Variants in UBA6 observed in about 807,000 individuals in gnomAD.
UBA6 encodes the protein ubiquitin-like modifier-activating enzyme 6.
In UBA6, 87 loss-of-function variants were observed where a neutral mutation model predicts 148.3. The ratio of observed to expected loss-of-function variants is 0.59; its 90% CI spans 0.49 to 0.70. UBA6 has a LOEUF of 0.70. Among genes scored for constraint, UBA6 ranks in the 30% least tolerant of loss-of-function variants. The pLI is 0.00. For synonymous variants in UBA6, 376 were observed against 401.0 expected (o/e 0.94, Z 0.75); for missense variants, 1,186 against 1,241.2 (o/e 0.96, Z 0.67).
intron 1 of UBA6, among the ~76,000 whole-genome samples, chr4:67,698,947 C>G (rs911722996): frequency 2.0e-5 from 3 of 151,752 alleles, no homozygotes; most frequent in Admixed American, 2.0e-4. Context: ...GTGACAAGAG[C>G]AAGACTCTGT....
chr4:67,616,044 ATGTG>A lies in UBA6; in HGVS notation c.*2949_*2952del. On this transcript the variant is annotated 3_prime_UTR_variant, in exon 33 of 33. Coordinates refer to ENST00000322244, the MANE Select transcript of UBA6 (RefSeq NM_018227.6). ...ATATTTTATGTATTTTTGAATATAT[ATGTG>A]TTTTTGAAAAATATATATTTCTCAA... 1 of 389,766 alleles carries A rather than the reference ATGTG, an allele frequency of 2.6e-6. No homozygotes were observed. Among genetic ancestry groups the A allele is most frequent in the Non-Finnish European group, 4.5e-6 (1 of 220,172 alleles). The allele number at this position is 389,766 out of a possible 1,614,324, so 24.1% of individuals were successfully genotyped here.
chr4:67,651,939 C>T (rs1203843351), intron 13 of UBA6, among the ~76,000 whole-genome samples: 3 of 152,040 alleles, frequency 2.0e-5, no homozygotes, highest in Non-Finnish European at 4.4e-5. Context: ...ACTCATAAAA[C>T]TACAAAAGAG....
intron 6 of UBA6, among the ~76,000 whole-genome samples, chr4:67,675,934 T>C (rs1429338464): frequency 6.6e-6 from 1 of 152,188 alleles, no homozygotes; most frequent in Non-Finnish European, 1.5e-5. Context: ...TGTAACTTAG[T>C]TGAGGGTATA....
At position 67,630,399 on chromosome 4, in the gene UBA6, T is replaced by G. The variant is rs183527447; in HGVS notation, c.2328+67A>C. The G allele has an allele frequency of 6.4e-6, 6 of 944,440 alleles. No individual in the cohort carries two copies. In the East Asian group the frequency reaches 1.6e-4, roughly 25 times the overall value. The allele number at this position is 944,440 out of a possible 1,614,324, so 58.5% of individuals were successfully genotyped here. On this transcript the variant is annotated intron_variant, in intron 26 of 32. Transcript: ENST00000322244. ...ACAAACAAACATGTTTTGATGCAAT[T>G]AGTGCATCAGTCATCTAATTCTAAT...
chr4:67,647,414 G>A (rs1193048722), intron 14 of UBA6, among the ~76,000 whole-genome samples: 2 of 151,952 alleles, frequency 1.3e-5, no homozygotes, highest in African/African-American at 4.8e-5. Context: ...CCAAAGTGCT[G>A]GTATTACAGG....
At chr4:67,701,011 C>G in intron 1 of UBA6, 38 bp downstream of exon 1, 3 of 1,606,312 alleles carry the variant, frequency 1.9e-6, no homozygotes, top group Non-Finnish European at 2.6e-6. Context: ...CTGGGTCCCA[C>G]CCGCGACCCC....
chr4:67,624,575 A>G (rs1728822712), intron 29 of UBA6, among the ~76,000 whole-genome samples: 1 of 152,090 alleles, frequency 6.6e-6, no homozygotes, highest in Admixed American at 6.5e-5. Context: ...AGGGGTAAAT[A>G]ACTACATAGC....
chr4:67,692,521 C>T (rs560192353), intron 2 of UBA6, among the ~76,000 whole-genome samples: 96 of 152,214 alleles, frequency 6.3e-4, no homozygotes, highest in African/African-American at 2.2e-3. Context: ...GCCAGTCCTC[C>T]GGCTACATAA....
At chr4:67,652,855 G>A (rs141642060) in intron 13 of UBA6, among the ~76,000 whole-genome samples, 150 of 152,306 alleles carry the variant, frequency 9.8e-4, no homozygotes, top group African/African-American at 3.5e-3. Flanking sequence ...CTTAGCAACC[G>A]GCAGACCAGG....
rs1375570481 is a variant in UBA6, at chr4:67,622,904, T to C, written c.2950A>G (p.Thr984Ala). ...ATTTTGACTCCCTGTACCACCATTG[T>C]TGGCTCAATTCCATACTTCTCCTAA... Reference protein sequence around the residue: ...AVKEKYGIEPTMVVQGVKMLY... With the variant: ...AVKEKYGIEPAMVVQGVKMLY... Residue 984 changes from threonine to alanine, a missense_variant, in exon 32 of 33, where the codon ACA (threonine) becomes GCA (alanine). Transcript: ENST00000322244. The C allele has an allele frequency of 2.5e-6, 4 of 1,612,256 alleles. No homozygotes were observed. The highest frequency in any genetic ancestry group is 1.1e-5 in the South Asian group (1 of 90,474).
Position 67,614,978 on chromosome 4 carries a change from T to C in UBA6, c.*4019A>G, listed in dbSNP as rs534660308. 1 of 152,252 alleles carries C rather than the reference T, an allele frequency of 6.6e-6. No homozygotes were observed. Among genetic ancestry groups the C allele is most frequent in the Non-Finnish European group, 1.5e-5 (1 of 68,012 alleles). 9.4% of individuals were successfully genotyped at this position (152,252 alleles called of 1,614,324 possible). On this transcript the variant is annotated 3_prime_UTR_variant, in exon 33 of 33. Coordinates refer to ENST00000322244, the MANE Select transcript of UBA6 (RefSeq NM_018227.6). Reference sequence around the variant, plus strand: ...CTCAACTTCACAGGTAATAGAGAAATGCAGAGTGACACTTCAATGAGATAC... The same window carrying C: ...CTCAACTTCACAGGTAATAGAGAAACGCAGAGTGACACTTCAATGAGATAC...
intron 17 of UBA6, among the ~76,000 whole-genome samples, chr4:67,643,095 T>C (rs1729344332): frequency 6.6e-6 from 1 of 151,970 alleles, no homozygotes; most frequent in African/African-American, 2.4e-5. Flanking sequence ...ACTTTAAAGT[T>C]TGTTCTATTT....
Position 67,631,926 on chromosome 4 carries a change from A to C in UBA6, c.2143-18T>G. 1 of 1,606,222 alleles carries C rather than the reference A, an allele frequency of 6.2e-7. No homozygotes were observed. On this transcript the variant is annotated intron_variant, in intron 23 of 32. Transcript: ENST00000322244. ...TGAAGAGCCTAAAGAAAAAAAATGA[A>C]TTAAAGACACCCACTACTTAATATT... is the stretch of plus-strand genomic sequence containing the variant.
rs897088673 is a variant in UBA6 at position 67,616,059 on chromosome 4, A to G, written c.*2938T>C. On this transcript the variant is annotated 3_prime_UTR_variant, in exon 33 of 33. Coordinates refer to ENST00000322244, the MANE Select transcript of UBA6 (RefSeq NM_018227.6). Reference sequence around the variant, plus strand: ...TTGAATATATATGTGTTTTTGAAAAATATATATTTCTCAATAAAAAAACAA... The same window carrying G: ...TTGAATATATATGTGTTTTTGAAAAGTATATATTTCTCAATAAAAAAACAA... 2 of 392,300 alleles carry G rather than the reference A, an allele frequency of 5.1e-6. No homozygotes were observed. Among genetic ancestry groups the G allele is most frequent in the African/African-American group, 4.1e-5 (2 of 48,404 alleles). The allele number at this position is 392,300 out of a possible 1,614,324, so 24.3% of individuals were successfully genotyped here. A position where few individuals can be genotyped will look rare whatever the true frequency, so the allele number is the denominator to read the frequency against.
chr4:67,628,024 C>T (rs1341344879), intron 27 of UBA6, among the ~76,000 whole-genome samples: 1 of 150,600 alleles, frequency 6.6e-6, no homozygotes, highest in African/African-American at 2.4e-5. Context: ...AGTATAATAC[C>T]ACCCAAGCAG....
intron 1 of UBA6, among the ~76,000 whole-genome samples, chr4:67,700,422 C>G (rs1263422119): frequency 6.6e-6 from 1 of 152,134 alleles, no homozygotes; most frequent in African/African-American, 2.4e-5. Context: ...TGGTAAAGGC[C>G]TAGCACAAAT....
At position 67,673,782 on chromosome 4, in the gene UBA6, T is replaced by C. The variant is rs1222058092; in HGVS notation, c.466-5A>G. On this transcript the variant is annotated splice_polypyrimidine_tract_variant and splice_region_variant and intron_variant, in intron 6 of 32. Transcript: ENST00000322244. ...CATCTCAGTCAATACTACACACTGT[T>C]GAGAAAACAACAAATTAAAAACTAG... 4 of 1,590,688 alleles carry C rather than the reference T, an allele frequency of 2.5e-6. No homozygotes were observed. Among genetic ancestry groups the C allele is most frequent in the Non-Finnish European group, 2.6e-6 (3 of 1,165,638 alleles).
intron 13 of UBA6, among the ~76,000 whole-genome samples, chr4:67,651,365 G>A (rs1048273703): frequency 1.3e-5 from 2 of 152,090 alleles, no homozygotes; most frequent in African/African-American, 4.8e-5. Context: ...ATGGGCTTAT[G>A]GTGTACGTAA....
rs1577793099 is a variant in UBA6 at position 67,631,556 on chromosome 4, G to C, written c.2258+152C>G. 1.9e-5 allele frequency: 11 copies of C among 571,576 alleles called. No individual in the cohort carries two copies. In the East Asian group the frequency reaches 3.3e-4, roughly 17 times the overall value. The allele number at this position is 571,576 out of a possible 1,614,324, so 35.4% of individuals were successfully genotyped here. On this transcript the variant is annotated intron_variant, in intron 25 of 32. Coordinates refer to ENST00000322244, the MANE Select transcript of UBA6 (RefSeq NM_018227.6). ...GGGAAGGGTTGTGGCTGGCTTTCTT[G>C]GTCAGAATGACTTGTTAACTCTTAA... is the stretch of plus-strand genomic sequence containing the variant.
Sources: gnomAD v4.1 joint callset for allele counts (sites outside exome capture counted in the v4.1 genomes callset) on GRCh38, gnomAD v4.1.1 for gene constraint, MANE v1.5 for transcripts, NCBI Gene and HGNC (gene_info 2026-07-23, HGNC 2026-07-21) for gene names.